The following MYRIP variants were observed in gnomAD, a reference collection of about 807,000 sequenced individuals.
MYRIP encodes rab effector MyRIP.
Under a neutral mutation model 98.0 loss-of-function variants are expected in MYRIP, and 49 were observed. The observed-to-expected ratio is 0.50, with a 90% CI of 0.40 to 0.63. The LOEUF is 0.63. MYRIP is among the 30% of genes least tolerant of loss of function. The pLI is 0.00. For missense variants in MYRIP, 1,004 were observed against 1,058.2 expected (o/e 0.95, Z 0.71); for synonymous variants, 404 against 409.5 (o/e 0.99, Z 0.16).
At chr3:40,119,922 T>A (rs560264998) in intron 3 of MYRIP, among the ~76,000 whole-genome samples, 2 of 146,046 alleles carry the variant, frequency 1.4e-5, no homozygotes, top group East Asian at 1.9e-4. Flanking sequence ...ATAATAATAA[T>A]AAAATAAATA....
At chr3:40,196,487 G>A (rs924946468) in intron 10 of MYRIP, among the ~76,000 whole-genome samples, 1 of 152,084 alleles carries the variant, frequency 6.6e-6, no homozygotes, top group African/African-American at 2.4e-5. Flanking sequence ...TTAGTGAGAT[G>A]GATAACACTT....
chr3:39,979,650 C>CAAAAAAAAAAAAAAAAAAAAAAAA (rs1400253573), intron 2 of MYRIP, among the ~76,000 whole-genome samples: 1 of 79,036 alleles, frequency 1.3e-5, no homozygotes, highest in Non-Finnish European at 3.0e-5. Flanking sequence ...AAAACCAAAA[C>CAAAAAAAAAAAAAAAAAAAAAAAA]AAAACAAAAA....
At chr3:40,109,220 C>T (rs1949111773) in intron 3 of MYRIP, among the ~76,000 whole-genome samples, 1 of 152,136 alleles carries the variant, frequency 6.6e-6, no homozygotes, top group African/African-American at 2.4e-5. Flanking sequence ...GTCTTTTCAA[C>T]AGCAGTCATC....
At chr3:39,871,661 C>T (rs1942793382) in intron 1 of MYRIP, among the ~76,000 whole-genome samples, 1 of 151,880 alleles carries the variant, frequency 6.6e-6, no homozygotes, top group Non-Finnish European at 1.5e-5. Flanking sequence ...ATAACACATT[C>T]CACAAAAAAT....
chr3:40,163,810 T>C (rs1056743262), intron 5 of MYRIP, among the ~76,000 whole-genome samples: 3 of 152,064 alleles, frequency 2.0e-5, no homozygotes, highest in Admixed American at 6.6e-5. Context: ...CCATAATAGA[T>C]CTCCTATTTT....
At position 40,141,167 on chromosome 3, in the gene MYRIP, T is replaced by C. The variant is rs151335057; in HGVS notation, c.333-9881T>C. The stretch of plus-strand genomic sequence containing the variant: ...CACAAATAAGTGAGAACATGCAACA[T>C]TTGTCTTTCTGTGCCTGACTTATTT... On this transcript the variant is annotated intron_variant, in intron 3 of 16. Transcript: ENST00000302541. Among the ~76,000 whole-genome samples, 685 of 152,310 alleles carry C rather than the reference T, an allele frequency of 4.5e-3. 1 individual carries two copies. Among genetic ancestry groups the C allele is most frequent in the Non-Finnish European group, 7.0e-3 (477 of 68,030 alleles).
intron 8 of MYRIP, among the ~76,000 whole-genome samples, chr3:40,170,946 C>T (rs933535694): frequency 4.6e-5 from 7 of 152,284 alleles, no homozygotes; most frequent in South Asian, 4.1e-4. Flanking sequence ...AGCACATGGT[C>T]GACTTGCAGT....
At chr3:39,988,131 A>G (rs1946079119) in intron 2 of MYRIP, among the ~76,000 whole-genome samples, 1 of 152,058 alleles carries the variant, frequency 6.6e-6, no homozygotes, top group Non-Finnish European at 1.5e-5. Context: ...GGACACAGGA[A>G]GGGGAACATC....
chr3:40,023,654 C>T (rs1197723208), intron 2 of MYRIP, among the ~76,000 whole-genome samples: 2 of 152,112 alleles, frequency 1.3e-5, no homozygotes, highest in Non-Finnish European at 2.9e-5. Flanking sequence ...CACACAAATG[C>T]CTTCCATTGG....
chr3:39,907,489 C>T (rs1011166322), intron 2 of MYRIP, among the ~76,000 whole-genome samples: 1 of 152,132 alleles, frequency 6.6e-6, no homozygotes, highest in Non-Finnish European at 1.5e-5. Flanking sequence ...TACCTCTCCC[C>T]TCGCCTTCTG....
chr3:40,122,030 A>G (rs537985004), intron 3 of MYRIP, among the ~76,000 whole-genome samples: 1 of 152,328 alleles, frequency 6.6e-6, no homozygotes, highest in South Asian at 2.1e-4. Flanking sequence ...TTTTATTTAT[A>G]GTGAAACCAG....
chr3:39,977,357 G>A (rs1575430824), intron 2 of MYRIP, among the ~76,000 whole-genome samples: 1 of 152,138 alleles, frequency 6.6e-6, no homozygotes, highest in African/African-American at 2.4e-5. Flanking sequence ...GGATTCACCT[G>A]AATCAGCTTC....
chr3:40,040,477 G>C (rs1947485738), intron 2 of MYRIP, among the ~76,000 whole-genome samples: 1 of 85,204 alleles, frequency 1.2e-5, no homozygotes, highest in Non-Finnish European at 2.4e-5. Flanking sequence ...TCCCATTACT[G>C]GGTATATACC....
chr3:39,826,689 T>C (rs1325541096), intron 1 of MYRIP, among the ~76,000 whole-genome samples: 1 of 152,220 alleles, frequency 6.6e-6, no homozygotes, highest in Non-Finnish European at 1.5e-5. Flanking sequence ...AATGTTTCTT[T>C]GTTCATATTC....
chr3:40,003,665 TA>T (rs1946570805), intron 2 of MYRIP, among the ~76,000 whole-genome samples: 1 of 152,246 alleles, frequency 6.6e-6, no homozygotes, highest in Non-Finnish European at 1.5e-5. Flanking sequence ...TAGCTGTATA[TA>T]TATTCTTTCT....
At chr3:39,995,216 G>C (rs921057566) in intron 2 of MYRIP, among the ~76,000 whole-genome samples, 18 of 152,096 alleles carry the variant, frequency 1.2e-4, no homozygotes, top group African/African-American at 4.3e-4. Context: ...AGAGAAGAAG[G>C]CTTCAGATGA....
intron 2 of MYRIP, among the ~76,000 whole-genome samples, chr3:39,952,410 C>G (rs78351368): frequency 6.6e-5 from 10 of 152,026 alleles, no homozygotes; most frequent in African/African-American, 2.2e-4. Context: ...TTGTGACATG[C>G]TTTTTCTGTA....
intron 1 of MYRIP, among the ~76,000 whole-genome samples, chr3:39,897,504 G>T (rs1943639961): frequency 6.6e-6 from 1 of 152,172 alleles, no homozygotes; most frequent in South Asian, 2.1e-4. Flanking sequence ...ATAAACCAGA[G>T]AAATCAAGGG....
chr3:39,828,841 C>CAT (rs1055560404), intron 1 of MYRIP, among the ~76,000 whole-genome samples: 21 of 152,212 alleles, frequency 1.4e-4, no homozygotes, highest in African/African-American at 4.8e-4. Flanking sequence ...AGTATTCCAT[C>CAT]ATATATATAT....
Sources: gnomAD v4.1 joint callset for allele counts (sites outside exome capture counted in the v4.1 genomes callset) on GRCh38, gnomAD v4.1.1 for gene constraint, MANE v1.5 for transcripts, NCBI Gene and HGNC (gene_info 2026-07-23, HGNC 2026-07-21) for gene names.